Variants in KDM2B observed in about 807,000 individuals in gnomAD.
The protein encoded by KDM2B is lysine demethylase 2B.
A neutral mutation model predicts 150.0 loss-of-function variants in KDM2B; 26 were observed. That is an observed-to-expected ratio of 0.17 (90% CI 0.13 to 0.24). The LOEUF (loss-of-function observed/expected upper bound fraction) is 0.24. Ranked by LOEUF, KDM2B falls within the 10% of genes least tolerant of loss-of-function variation. The pLI is 1.00. For synonymous variants in KDM2B, 734 were observed against 729.5 expected, an observed-to-expected ratio of 1.01 and a Z score of -0.10; for missense variants, 1,265 against 1,816.9, an observed-to-expected ratio of 0.70 and a Z score of 5.52.
chr12:121,518,424 T>C lies in KDM2B; in HGVS notation c.1047+2561A>G, dbSNP rs533136658. On this transcript the variant is annotated intron_variant, in intron 9 of 22. Transcript: ENST00000377071. The surrounding 1 kb of genome is among the most constrained non-coding windows in gnomAD (Gnocchi z 4.4). ...GGCAGATTAAACAACCTGCCGCTGC[T>C]CCCAGCCCAGTCTGCCCCCAAGCCC... is the stretch of plus-strand genomic sequence containing the variant. Among the ~76,000 whole-genome samples the C allele has an allele frequency of 2.6e-4, 39 of 152,264 alleles. No homozygotes were observed. The South Asian group carries it at 7.9e-3, about 31-fold the overall frequency.
Position 121,533,125 on chromosome 12 carries a change from G to A in KDM2B, c.778-166C>T, listed in dbSNP as rs184661935. ...TCCCTCTGGACTCTCTGCAAGGCCAGGTCCCTAGAGCCTCTGGGGAGGCAG... is the reference window on the plus strand; with the variant it reads ...TCCCTCTGGACTCTCTGCAAGGCCAAGTCCCTAGAGCCTCTGGGGAGGCAG... On this transcript the variant is annotated intron_variant, in intron 7 of 22. Transcript: ENST00000377071. The surrounding 1 kb of genome is among the most constrained non-coding windows in gnomAD (Gnocchi z 4.1). Among the ~76,000 whole-genome samples, 62 of 152,326 alleles carry A rather than the reference G, an allele frequency of 4.1e-4. No homozygotes were observed. Among genetic ancestry groups the A allele is most frequent in the African/African-American group, 1.2e-3 (50 of 41,582 alleles).
chr12:121,571,572 G>A (rs1229852800), intron 4 of KDM2B, among the ~76,000 whole-genome samples: 1 of 152,000 alleles, frequency 6.6e-6, no homozygotes, highest in Non-Finnish European at 1.5e-5. Context: ...GGGATTACAG[G>A]CGTGAGCCAC....
In KDM2B at chr12:121,429,441, A is replaced by G. The variant is rs1346236519; in HGVS notation, c.*847T>C. 1.3e-5 allele frequency: 2 copies of G among 154,286 alleles called. No homozygotes were observed. Among genetic ancestry groups the G allele is most frequent in the Non-Finnish European group, 2.9e-5 (2 of 69,106 alleles). The allele number at this position is 154,286 out of a possible 1,614,324, so 9.6% of individuals were successfully genotyped here. A position where few individuals can be genotyped will look rare whatever the true frequency, so the allele number is the denominator to read the frequency against. On this transcript the variant is annotated 3_prime_UTR_variant, in exon 23 of 23. Coordinates refer to ENST00000377071, the MANE Select transcript of KDM2B (RefSeq NM_032590.5). ...TAGATCTATGTAAGTACAAGAGCTC[A>G]TGCTGGAGCAGAACCTCCTGAGTGC...
chr12:121,575,854 T>C lies in KDM2B; in HGVS notation c.277A>G (p.Asn93Asp). ...FVHAMEGKDF[N>D]YEYVQREALR... ...GCTTCTCTCTGTACGTACTCATAGTTGAAATCTGTTTGGATATTTGAATTA... is the reference window on the plus strand; with the variant it reads ...GCTTCTCTCTGTACGTACTCATAGTCGAAATCTGTTTGGATATTTGAATTA... Residue 93 changes from asparagine to aspartate, a missense_variant, in exon 3 of 23, where the codon AAC becomes GAC. Asn to Asp is a conservative substitution (Grantham distance 23). Transcript: ENST00000377071. This position sits in a 1 kb window ranked among gnomAD's most constrained non-coding sequence, Gnocchi z 4.4. The C allele has an allele frequency of 6.2e-7, 1 of 1,611,434 alleles. No homozygotes were observed. Among genetic ancestry groups the C allele is most frequent in the Non-Finnish European group, 8.5e-7 (1 of 1,177,486 alleles).
chr12:121,555,403 C>T (rs149772551), intron 4 of KDM2B, among the ~76,000 whole-genome samples: 2,409 of 152,216 alleles, frequency 0.016, 32 homozygotes, highest in Middle Eastern at 0.044. Context: ...GACAGAGTCT[C>T]GCTCTGTCTC....
chr12:121,530,669 G>T (rs1190325403), intron 8 of KDM2B, among the ~76,000 whole-genome samples: 1 of 152,056 alleles, frequency 6.6e-6, no homozygotes, highest in Non-Finnish European at 1.5e-5. Context: ...GACCTAACTG[G>T]ACTCCTGCTT....
intron 12 of KDM2B, among the ~76,000 whole-genome samples, chr12:121,481,783 G>A (rs1248297506): frequency 6.6e-6 from 1 of 151,680 alleles, no homozygotes; most frequent in Non-Finnish European, 1.5e-5. Flanking sequence ...TTGTTTGTTT[G>A]TTTGTTTGTT....
chr12:121,444,102 C>A lies in KDM2B; in HGVS notation c.2361G>T (p.Pro787=), dbSNP rs376479779. 8.0e-5 allele frequency: 129 copies of A among 1,613,622 alleles called. No individual in the cohort carries two copies. The highest frequency in any genetic ancestry group is 1.1e-4 in the Non-Finnish European group (126 of 1,180,052). The change falls in exon 16 of 23, where the codon CCG becomes CCT. Residue 787 remains proline, a synonymous_variant. Transcript: ENST00000377071. ...CAGACTTTCTGCGCAGAAGGCCGTCCGGCGGCACCTTCTTCGAGTGCTCAT... is the reference window on the plus strand; with the variant it reads ...CAGACTTTCTGCGCAGAAGGCCGTCAGGCGGCACCTTCTTCGAGTGCTCAT... ...RSDEHSKKVP[P]DGLLRRKSDD... is the part of the protein sequence containing the mutation.
At chr12:121,516,709 C>A in intron 9 of KDM2B, 1 of 628,548 alleles carries the variant, frequency 1.6e-6, no homozygotes, top group Non-Finnish European at 2.8e-6. Context: ...CTGGCCTCAG[C>A]CCTTCCTCGG....
In KDM2B at chr12:121,430,994, T is replaced by C. The variant is rs1040761784; in HGVS notation, c.3830-525A>G. On this transcript the variant is annotated intron_variant, in intron 22 of 22. Transcript: ENST00000377071. The surrounding 1 kb of genome is among the most constrained non-coding windows in gnomAD (Gnocchi z 4.4). ...TGCAGGCCGCAGTGCTTTGGAGCAA[T>C]TCACAGCATGAGGGACAGCTGTTTG... 2.6e-5 allele frequency among the ~76,000 whole-genome samples: 4 copies of C among 152,200 alleles called. No individual in the cohort carries two copies. Among genetic ancestry groups the C allele is most frequent in the African/African-American group, 9.7e-5 (4 of 41,446 alleles).
chr12:121,423,628 TCA>T, the KDM2B span: 8 of 1,483,398 alleles, frequency 5.4e-6, no homozygotes, highest in Non-Finnish European at 7.5e-6. The surrounding 1 kb of genome is among the most constrained non-coding windows in gnomAD (Gnocchi z 4.3). Flanking sequence ...CCCCAACATT[TCA>T]ATGCACAGAA....
rs188570502 is a variant in KDM2B at position 121,567,432 on chromosome 12, G to A, written c.397+7115C>T. On this transcript the variant is annotated intron_variant, in intron 4 of 22. Coordinates refer to ENST00000377071, the MANE Select transcript of KDM2B (RefSeq NM_032590.5). Reference sequence around the variant, plus strand: ...CCTTATAAGAAGAGTTTAGGGGCTGGGCACTGTGGCTCACGCATGCAATTG... The same window carrying A: ...CCTTATAAGAAGAGTTTAGGGGCTGAGCACTGTGGCTCACGCATGCAATTG... Among the ~76,000 whole-genome samples the A allele has an allele frequency of 9.2e-5, 14 of 152,282 alleles. No homozygotes were observed. In the East Asian group the frequency reaches 2.5e-3, roughly 27 times the overall value.
chr12:121,410,898 A>AT, the KDM2B span, among the ~76,000 whole-genome samples: 1 of 152,070 alleles, frequency 6.6e-6, no homozygotes, highest in Non-Finnish European at 1.5e-5. Context: ...TTATAGCAAC[A>AT]TTTTTGCCTG....
intron 4 of KDM2B, among the ~76,000 whole-genome samples, chr12:121,550,183 G>A (rs1169267156): frequency 3.9e-5 from 6 of 152,062 alleles, no homozygotes; most frequent in Non-Finnish European, 7.4e-5. Flanking sequence ...GGTGGCTCAC[G>A]CCTATAGTGC....
At chr12:121,493,533 AG>A (rs1883588312) in intron 12 of KDM2B, among the ~76,000 whole-genome samples, 1 of 152,170 alleles carries the variant, frequency 6.6e-6, no homozygotes, top group Non-Finnish European at 1.5e-5. Flanking sequence ...CGCCTTTGGA[AG>A]GGTGCTCACC....
At chr12:121,410,569 GA>G in the KDM2B span, among the ~76,000 whole-genome samples, 297 of 146,952 alleles carry the variant, frequency 2.0e-3, no homozygotes, top group African/African-American at 5.0e-3. Context: ...TGCTGGATGG[GA>G]AAAAAAAAAA....
In KDM2B at chr12:121,464,856, C is replaced by T. The variant is rs189286970; in HGVS notation, c.1735-11512G>A. 2.6e-5 allele frequency among the ~76,000 whole-genome samples: 4 copies of T among 152,294 alleles called. No individual in the cohort carries two copies. The East Asian group carries it at 7.7e-4, about 29-fold the overall frequency. On this transcript the variant is annotated intron_variant, in intron 12 of 22. Coordinates refer to ENST00000377071, the MANE Select transcript of KDM2B (RefSeq NM_032590.5). ...GCCTGCAAGCTGGAGACTCCAGAGA[C>T]CCTCGCTGTGCTTTGGAAGATGCAA...
At chr12:121,531,146 C>G (rs1428292577) in intron 8 of KDM2B, among the ~76,000 whole-genome samples, 1 of 152,092 alleles carries the variant, frequency 6.6e-6, no homozygotes, top group East Asian at 1.9e-4. Flanking sequence ...AGGGTGTCCC[C>G]TATAAACGCT....
chr12:121,507,512 T>C (rs55747427), intron 11 of KDM2B, among the ~76,000 whole-genome samples: 8,761 of 152,320 alleles, frequency 0.058, 312 homozygotes, highest in Middle Eastern at 0.11. Context: ...GGAGGAAGTC[T>C]GCGCTGCTTG....
Sources: allele counts gnomAD v4.1 joint callset (sites outside exome capture counted in the v4.1 genomes callset), GRCh38; gene constraint gnomAD v4.1.1; non-coding constraint Gnocchi (gnomAD v3.1); transcripts MANE v1.5; gene names NCBI Gene and HGNC (gene_info 2026-07-23, HGNC 2026-07-21).